Variants in DGKH observed in about 807,000 individuals in gnomAD.
The protein encoded by DGKH is diacylglycerol kinase eta, also known as DAG kinase eta.
DGKH carries 90 observed loss-of-function variants against 159.3 expected under a neutral mutation model. That is an observed-to-expected ratio of 0.57 (90% CI 0.48 to 0.67). The LOEUF (loss-of-function observed/expected upper bound fraction) is 0.67. Ranked by LOEUF, DGKH falls within the 30% of genes least tolerant of loss-of-function variation. The pLI, the probability that DGKH is intolerant of heterozygous loss-of-function variation, is 0.00. For synonymous variants in DGKH, 536 were observed against 553.8 expected (o/e 0.97, Z 0.45); for missense variants, 1,181 against 1,506.1 (o/e 0.78, Z 3.57).
intron 12 of DGKH, among the ~76,000 whole-genome samples, chr13:42,177,653 C>T (rs1232320507): frequency 6.6e-6 from 1 of 152,186 alleles, no homozygotes; most frequent in Non-Finnish European, 1.5e-5. Context: ...CTTGCTAGCA[C>T]TTGCCATTTT....
intron 29 of DGKH, among the ~76,000 whole-genome samples, chr13:42,249,441 G>A (rs1002085491): frequency 6.6e-6 from 1 of 151,042 alleles, no homozygotes; most frequent in African/African-American, 2.4e-5. Flanking sequence ...CAAAAATACT[G>A]ATTGTAAACA....
intron 1 of DGKH, among the ~76,000 whole-genome samples, chr13:42,040,335 G>C (rs1233100341): frequency 3.9e-5 from 6 of 152,114 alleles, no homozygotes; most frequent in Non-Finnish European, 7.4e-5. Flanking sequence ...AGCCCAGCCC[G>C]GGCTTTCCTC....
chr13:42,076,454 A>G (rs1954101672), intron 1 of DGKH, among the ~76,000 whole-genome samples: 1 of 152,198 alleles, frequency 6.6e-6, no homozygotes, highest in South Asian at 2.1e-4. Flanking sequence ...AAGAGAGAAA[A>G]GAAAATCAAC....
At chr13:42,124,312 A>G (rs1313616976) in intron 1 of DGKH, among the ~76,000 whole-genome samples, 1 of 152,208 alleles carries the variant, frequency 6.6e-6, no homozygotes, top group African/African-American at 2.4e-5. Flanking sequence ...GATTTAAATA[A>G]TTTGACTTAT....
chr13:42,084,216 T>C (rs976524545), intron 1 of DGKH, among the ~76,000 whole-genome samples: 3 of 152,246 alleles, frequency 2.0e-5, no homozygotes, highest in Non-Finnish European at 2.9e-5. Context: ...CGCTTACAGA[T>C]GCTTGCTCCA....
At chr13:42,125,960 G>A (rs1955162213) in intron 1 of DGKH, among the ~76,000 whole-genome samples, 1 of 152,184 alleles carries the variant, frequency 6.6e-6, no homozygotes, top group Non-Finnish European at 1.5e-5. Flanking sequence ...TTGTCTTGGA[G>A]GCTCACTATA....
At chr13:42,115,965 G>A (rs1954960237) in intron 1 of DGKH, among the ~76,000 whole-genome samples, 1 of 152,110 alleles carries the variant, frequency 6.6e-6, no homozygotes, top group Non-Finnish European at 1.5e-5. Flanking sequence ...TGGATTTAAG[G>A]AACAAAAACT....
chr13:42,211,953 T>C (rs1957668537), intron 24 of DGKH, among the ~76,000 whole-genome samples: 1 of 152,122 alleles, frequency 6.6e-6, no homozygotes. Flanking sequence ...TCATGATTCA[T>C]AGGGATTATG....
chr13:42,093,602 C>G (rs1255533880), intron 1 of DGKH, among the ~76,000 whole-genome samples: 1 of 152,112 alleles, frequency 6.6e-6, no homozygotes, highest in East Asian at 1.9e-4. Context: ...AAGGTATAAA[C>G]AACGCAAGTG....
intron 29 of DGKH, among the ~76,000 whole-genome samples, chr13:42,226,479 A>G (rs1164479768): frequency 6.6e-6 from 1 of 152,218 alleles, no homozygotes; most frequent in Non-Finnish European, 1.5e-5. Flanking sequence ...TCATTGTATT[A>G]TAAAGATACA....
chr13:42,142,970 G>A lies in DGKH; in HGVS notation c.385-12321G>A, dbSNP rs370023404. 4.6e-4 allele frequency among the ~76,000 whole-genome samples: 70 copies of A among 152,220 alleles called. 2 individuals carry two copies. In the East Asian group the frequency reaches 7.9e-3, roughly 17 times the overall value. ...TGGTGAGAGAGGGCATCCCTGTCTTGTGCCAGTTTTCAAAGGGAATGCTTC... is the reference window on the plus strand; with the variant it reads ...TGGTGAGAGAGGGCATCCCTGTCTTATGCCAGTTTTCAAAGGGAATGCTTC... On this transcript the variant is annotated intron_variant, in intron 3 of 29. Transcript: ENST00000337343.
At chr13:42,217,213 G>C (rs1048369356) in intron 26 of DGKH, among the ~76,000 whole-genome samples, 1 of 152,120 alleles carries the variant, frequency 6.6e-6, no homozygotes, top group African/African-American at 2.4e-5. Flanking sequence ...CATATTCTTA[G>C]ACTAAACGAA....
intron 27 of DGKH, 112 bp downstream of exon 27, chr13:42,219,461 T>A (rs1012099058): frequency 2.1e-6 from 3 of 1,452,900 alleles, no homozygotes; most frequent in Non-Finnish European, 2.8e-6. Context: ...AATACTACTT[T>A]CAAATGTTCT....
chr13:42,219,703 C>T lies in DGKH; in HGVS notation c.3351C>T (p.Cys1117=), dbSNP rs1957916480. 1 of 1,613,460 alleles carries T rather than the reference C, an allele frequency of 6.2e-7. No individual in the cohort carries two copies. The highest frequency in any genetic ancestry group is 8.5e-7 in the Non-Finnish European group (1 of 1,179,728). ...PNEDEEPPMD[C]TKRNNRSTVF... ...TTGAACAGGAACCTCCTATGGATTG[C>T]ACCAAAAGGAACAACAGAAGCACCG... is the stretch of plus-strand genomic sequence containing the variant. The change falls in exon 28 of 30, where the codon TGC becomes TGT. Residue 1117 remains cysteine (C), a synonymous_variant. Coordinates refer to ENST00000337343, the MANE Select transcript of DGKH (RefSeq NM_178009.5).
At chr13:42,149,925 G>T (rs545434844) in intron 3 of DGKH, among the ~76,000 whole-genome samples, 25 of 152,266 alleles carry the variant, frequency 1.6e-4, no homozygotes, top group African/African-American at 6.0e-4. Context: ...GAGACACTAG[G>T]CAAACTACAT....
At chr13:42,190,905 G>A (rs1017966732) in intron 16 of DGKH, among the ~76,000 whole-genome samples, 3 of 152,068 alleles carry the variant, frequency 2.0e-5, no homozygotes, top group African/African-American at 7.2e-5. Context: ...CTCTCCTAAC[G>A]CTCCAAATGC....
chr13:42,072,351 A>G (rs964609477), intron 1 of DGKH, among the ~76,000 whole-genome samples: 2 of 152,182 alleles, frequency 1.3e-5, no homozygotes, highest in Non-Finnish European at 2.9e-5. Context: ...AATCTGGACA[A>G]TCAATGTACC....
At chr13:42,126,101 G>T (rs957641277) in intron 1 of DGKH, among the ~76,000 whole-genome samples, 5 of 152,068 alleles carry the variant, frequency 3.3e-5, no homozygotes, top group Non-Finnish European at 7.4e-5. Context: ...AGTGTAGTTT[G>T]CTTTCTTTTT....
chr13:42,173,119 A>G (rs1956506339), intron 11 of DGKH, among the ~76,000 whole-genome samples: 2 of 152,092 alleles, frequency 1.3e-5, no homozygotes, highest in South Asian at 4.1e-4. Flanking sequence ...TTACAGGTGC[A>G]CAGCACCATG....
Sources: allele counts gnomAD v4.1 joint callset (sites outside exome capture counted in the v4.1 genomes callset), GRCh38; gene constraint gnomAD v4.1.1; transcripts MANE v1.5; gene names NCBI Gene and HGNC (gene_info 2026-07-23, HGNC 2026-07-21).